GBE1: variants seen among roughly 807,000 people sequenced by gnomAD.
GBE1 encodes 1,4-alpha-glucan branching enzyme 1.
A neutral mutation model predicts 88.8 loss-of-function variants in GBE1; 70 were observed. The observed-to-expected ratio is 0.79, with a 90% CI of 0.65 to 0.96. The LOEUF (loss-of-function observed/expected upper bound fraction) is 0.96. Among genes scored for constraint, GBE1 ranks in the 40% least tolerant of loss-of-function variants. GBE1 has a pLI of 0.00. For synonymous variants in GBE1, 284 were observed against 300.1 expected, an observed-to-expected ratio of 0.95 and a Z score of 0.56; for missense variants, 872 against 871.0, an observed-to-expected ratio of 1.00 and a Z score of -0.01.
chr3:81,716,679 C>T (rs1178487983), intron 1 of GBE1, among the ~76,000 whole-genome samples: 2 of 152,176 alleles, frequency 1.3e-5, no homozygotes, highest in East Asian at 3.9e-4. Flanking sequence ...ACTTAAAGAA[C>T]CTACTATAAA....
chr3:81,598,051 T>C (rs1301103926), intron 7 of GBE1, among the ~76,000 whole-genome samples: 1 of 151,976 alleles, frequency 6.6e-6, no homozygotes, highest in Non-Finnish European at 1.5e-5. Flanking sequence ...TATAATGACA[T>C]TTATTTAATG....
chr3:81,581,257 C>T lies in GBE1; in HGVS notation c.1354G>A (p.Asp452Asn). 6.3e-7 allele frequency: 1 copy of T among 1,580,386 alleles called. No individual in the cohort carries two copies. Among genetic ancestry groups the T allele is most frequent in the East Asian group, 2.3e-5 (1 of 44,224 alleles). The change falls in exon 11 of 16, where the codon GAT (aspartate) becomes AAT (asparagine). Residue 452 changes from aspartate to asparagine, a missense_variant. Transcript: ENST00000429644. ...KWIQLLKEFKDEDWNMGDIVY... is the reference protein window; with the variant it reads ...KWIQLLKEFKNEDWNMGDIVY... ...ATATCGCCCATGTTCCAGTCTTCAT[C>T]TTTAAACTCTTTAAGTAGCTAGACA...
chr3:81,632,433 T>G (rs1704527708), intron 7 of GBE1, among the ~76,000 whole-genome samples: 1 of 152,094 alleles, frequency 6.6e-6, no homozygotes, highest in African/African-American at 2.4e-5. Flanking sequence ...AAGACATTTA[T>G]GTGGCCAACA....
chr3:81,721,204 AAAAT>A (rs1236400556), intron 1 of GBE1, among the ~76,000 whole-genome samples: 3 of 90,804 alleles, frequency 3.3e-5, no homozygotes, highest in Non-Finnish European at 6.2e-5. Context: ...AGTATAATAA[AAAAT>A]AAATAAATAA....
chr3:81,517,340 T>G (rs1270519742), intron 14 of GBE1, among the ~76,000 whole-genome samples: 2 of 151,570 alleles, frequency 1.3e-5, no homozygotes, highest in Non-Finnish European at 3.0e-5. Context: ...TGTACATTTT[T>G]TTTTAGACAT....
rs372678376 is a variant in GBE1, at chr3:81,725,506, T to C, written c.144-19893A>G. Among the ~76,000 whole-genome samples, 8 of 152,282 alleles carry C rather than the reference T, an allele frequency of 5.3e-5. No individual in the cohort carries two copies. In the East Asian group the frequency reaches 9.6e-4, roughly 18 times the overall value. On this transcript the variant is annotated intron_variant, in intron 1 of 15. Coordinates refer to ENST00000429644, the MANE Select transcript of GBE1 (RefSeq NM_000158.4). ...TCCTGAAGAGCCTGCCTGAGGATGC[T>C]TTATAGTTAATTAATTTTTTAATAT...
intron 2 of GBE1, among the ~76,000 whole-genome samples, chr3:81,671,838 A>G (rs1189480603): frequency 1.3e-5 from 2 of 152,084 alleles, no homozygotes; most frequent in Non-Finnish European, 2.9e-5. Flanking sequence ...TAAACTTGTC[A>G]TCATAAATAG....
chr3:81,502,458 G>A (rs1179563797), intron 14 of GBE1, among the ~76,000 whole-genome samples: 1 of 152,162 alleles, frequency 6.6e-6, no homozygotes, highest in Non-Finnish European at 1.5e-5. Flanking sequence ...CAATCACCCA[G>A]TTCTGTGTCT....
At chr3:81,627,407 T>C (rs1704432927) in intron 7 of GBE1, among the ~76,000 whole-genome samples, 1 of 152,168 alleles carries the variant, frequency 6.6e-6, no homozygotes, top group Non-Finnish European at 1.5e-5. Flanking sequence ...TGGCTTCGTA[T>C]AAAGGAGAAA....
intron 15 of GBE1, among the ~76,000 whole-genome samples, chr3:81,495,349 A>T (rs1187253564): frequency 6.6e-6 from 1 of 152,188 alleles, no homozygotes; most frequent in Non-Finnish European, 1.5e-5. Flanking sequence ...AGATCACGCC[A>T]CTGCACTCCA....
chr3:81,666,502 T>C (rs80320163), intron 3 of GBE1, among the ~76,000 whole-genome samples: 3 of 152,212 alleles, frequency 2.0e-5, no homozygotes, highest in Non-Finnish European at 4.4e-5. Flanking sequence ...GTCCTGTTGT[T>C]TTCCACACAT....
At chr3:81,702,102 A>AGAGTGT (rs1468506890) in intron 2 of GBE1, among the ~76,000 whole-genome samples, 1 of 115,472 alleles carries the variant, frequency 8.7e-6, no homozygotes, top group East Asian at 2.3e-4. Flanking sequence ...AGAGAGAGAG[A>AGAGTGT]GTGTGTGTGT....
intron 13 of GBE1, among the ~76,000 whole-genome samples, chr3:81,536,634 T>C (rs1159233929): frequency 2.0e-5 from 3 of 152,128 alleles, no homozygotes; most frequent in Admixed American, 1.3e-4. Context: ...CTGCAGAGCT[T>C]TTATTGTTTA....
chr3:81,697,202 G>A (rs1705609298), intron 2 of GBE1, among the ~76,000 whole-genome samples: 1 of 152,142 alleles, frequency 6.6e-6, no homozygotes. Context: ...ATTCAGGAAA[G>A]CACTTACTTA....
At chr3:81,640,268 C>T (rs941677912) in intron 7 of GBE1, among the ~76,000 whole-genome samples, 2 of 151,810 alleles carry the variant, frequency 1.3e-5, no homozygotes, top group Non-Finnish European at 2.9e-5. Flanking sequence ...GCAGACCTAC[C>T]CTCAGTCTCG....
At chr3:81,504,119 C>T (rs907983610) in intron 14 of GBE1, among the ~76,000 whole-genome samples, 6 of 152,144 alleles carry the variant, frequency 3.9e-5, no homozygotes, top group East Asian at 3.9e-4. Context: ...AGAATCCTCC[C>T]TCGTGTCCCA....
At chr3:81,498,534 T>A (rs1206209968) in intron 15 of GBE1, among the ~76,000 whole-genome samples, 3 of 152,308 alleles carry the variant, frequency 2.0e-5, no homozygotes, top group South Asian at 2.1e-4. Context: ...TCTAACATTC[T>A]ATTTGTGTGA....
chr3:81,585,764 A>G (rs943910563), intron 10 of GBE1, among the ~76,000 whole-genome samples: 1 of 152,204 alleles, frequency 6.6e-6, no homozygotes, highest in Non-Finnish European at 1.5e-5. Flanking sequence ...GGCATAAATG[A>G]ATGCTGTAAT....
At chr3:81,709,424 A>AAACG (rs10636191) in intron 1 of GBE1, among the ~76,000 whole-genome samples, 1 of 151,484 alleles carries the variant, frequency 6.6e-6, no homozygotes, top group African/African-American at 2.4e-5. Flanking sequence ...TAAAATGATC[A>AAACG]GTGTGGAACA....
Sources: gnomAD v4.1 joint callset for allele counts (sites outside exome capture counted in the v4.1 genomes callset) on GRCh38, gnomAD v4.1.1 for gene constraint, MANE v1.5 for transcripts, NCBI Gene and HGNC (gene_info 2026-07-23, HGNC 2026-07-21) for gene names.